The following EYS variants were observed in gnomAD, a reference collection of about 807,000 sequenced individuals.
EYS encodes EGF-like photoreceptor maintenance factor.
A neutral mutation model predicts 282.1 loss-of-function variants in EYS; 250 were observed. The ratio of observed to expected loss-of-function variants is 0.89; its 90% CI spans 0.80 to 0.98. EYS has a LOEUF of 0.98. EYS is among the 50% of genes least tolerant of loss of function. EYS has a pLI of 0.00. For missense variants in EYS, 4,016 were observed against 3,709.0 expected, an observed-to-expected ratio of 1.08 and a Z score of -2.15; for synonymous variants, 1,355 against 1,282.9, an observed-to-expected ratio of 1.06 and a Z score of -1.20.
At chr6:65,450,278 C>A (rs1195998532) in intron 5 of EYS, among the ~76,000 whole-genome samples, 1 of 152,044 alleles carries the variant, frequency 6.6e-6, no homozygotes, top group Non-Finnish European at 1.5e-5. Context: ...TCCATGCTTT[C>A]TACAGAAAAT....
At chr6:65,420,359 T>C (rs930984191) in intron 5 of EYS, among the ~76,000 whole-genome samples, 1 of 149,900 alleles carries the variant, frequency 6.7e-6, no homozygotes, top group Non-Finnish European at 1.5e-5. Flanking sequence ...CTTTCTTTGC[T>C]CATTCGTAAG....
intron 31 of EYS, 51 bp from the exon 32 acceptor site, chr6:64,082,053 C>G (rs1336421428): frequency 9.3e-5 from 114 of 1,231,060 alleles, no homozygotes; most frequent in Non-Finnish European, 1.2e-4. Flanking sequence ...TATTGCTACT[C>G]AAGTAGATAA....
chr6:63,966,818 A>T (rs1459114053), intron 35 of EYS, among the ~76,000 whole-genome samples: 1 of 152,116 alleles, frequency 6.6e-6, no homozygotes, highest in African/African-American at 2.4e-5. Context: ...GATGTTAGCT[A>T]TTTTTTTATT....
At position 65,131,064 on chromosome 6, in the gene EYS, T is replaced by C. The variant is rs75089816; in HGVS notation, c.2024-73337A>G. On this transcript the variant is annotated intron_variant, in intron 12 of 42. Coordinates refer to ENST00000503581, the MANE Select transcript of EYS (RefSeq NM_001142800.2). ...CTTTATAAAAAATATATATTTGGAG[T>C]ACAACATGTTTTGGCATATACATAC... Among the ~76,000 whole-genome samples, 54 of 151,742 alleles carry C rather than the reference T, an allele frequency of 3.6e-4. No homozygotes were observed. The East Asian group carries it at 8.5e-3, about 24-fold the overall frequency.
At position 64,591,127 on chromosome 6, in the gene EYS, G is replaced by A. The variant is rs1437138169; in HGVS notation, c.4740C>T (p.Ser1580=). 4 of 1,551,168 alleles carry A rather than the reference G, an allele frequency of 2.6e-6. No homozygotes were observed. The South Asian group carries it at 3.6e-5, about 14-fold the overall frequency. The change falls in exon 26 of 43, where the codon TCC becomes TCT. Residue 1580 remains serine (S), a synonymous_variant. Transcript: ENST00000503581. The part of the protein sequence containing the change: ...FSDQVLHSKQ[S]HFYETFWMNS... ...TCATCCAGAATGTCTCATAAAAGTG[G>A]GACTGTTTGCTATGCAAAACTTGAT...
At chr6:63,907,326 G>A (rs2149735363) in intron 35 of EYS, among the ~76,000 whole-genome samples, 1 of 152,240 alleles carries the variant, frequency 6.6e-6, no homozygotes, top group East Asian at 1.9e-4. Flanking sequence ...AAAGGCCATG[G>A]ATAAAGACAA....
Position 64,590,400 on chromosome 6 carries a change from A to G in EYS, c.5467T>C (p.Tyr1823His). 2 of 1,551,374 alleles carry G rather than the reference A, an allele frequency of 1.3e-6. No individual in the cohort carries two copies. The highest frequency in any genetic ancestry group is 1.2e-5 in the South Asian group (1 of 84,058). ...IRPDWPYFTD[Y>H]MTSLKKEVKT... is the part of the protein sequence containing the mutation. ...ACCTCTTTTTTAAGAGAGGTCATAT[A>G]ATCTGTAAAATATGGCCAATCTGGC... The change falls in exon 26 of 43, where the codon TAT (tyrosine) becomes CAT (histidine). Residue 1823 changes from tyrosine to histidine, a missense_variant. By Grantham distance (83) the Tyr-to-His change is moderately conservative (BLOSUM62 2). Coordinates refer to ENST00000503581, the MANE Select transcript of EYS (RefSeq NM_001142800.2).
intron 5 of EYS, among the ~76,000 whole-genome samples, chr6:65,426,530 T>C (rs1474966469): frequency 6.6e-6 from 1 of 152,192 alleles, no homozygotes; most frequent in Admixed American, 6.6e-5. Flanking sequence ...AGATTAATTT[T>C]CTGATCCTAT....
intron 12 of EYS, among the ~76,000 whole-genome samples, chr6:65,233,584 T>G (rs950241125): frequency 6.6e-6 from 1 of 152,176 alleles, no homozygotes; most frequent in Non-Finnish European, 1.5e-5. Context: ...GCTTGGAGGC[T>G]GCAATCATTA....
chr6:64,173,078 C>T (rs746986554), intron 31 of EYS, among the ~76,000 whole-genome samples: 16 of 152,096 alleles, frequency 1.1e-4, no homozygotes, highest in Middle Eastern at 3.2e-3. Flanking sequence ...GAACACTACA[C>T]GGATAAATTC....
intron 22 of EYS, among the ~76,000 whole-genome samples, chr6:64,649,096 A>T (rs1768459768): frequency 6.6e-6 from 1 of 152,164 alleles, no homozygotes; most frequent in Admixed American, 6.5e-5. Flanking sequence ...AGAATTGATG[A>T]GTCCAGATGA....
intron 29 of EYS, among the ~76,000 whole-genome samples, chr6:64,360,599 AATTATGAG>A (rs542959674): frequency 4.0e-5 from 6 of 151,740 alleles, no homozygotes; most frequent in Non-Finnish European, 8.8e-5. Context: ...TTGGAAATTC[AATTATGAG>A]ATAGTAGTTT....
intron 12 of EYS, among the ~76,000 whole-genome samples, chr6:65,129,672 T>C (rs1403420578): frequency 6.6e-6 from 1 of 151,790 alleles, no homozygotes; most frequent in Non-Finnish European, 1.5e-5. Context: ...ACAGGTTACC[T>C]CTGAGGCTGC....
chr6:64,773,497 T>C (rs1583141771), intron 22 of EYS, among the ~76,000 whole-genome samples: 1 of 152,028 alleles, frequency 6.6e-6, no homozygotes, highest in East Asian at 1.9e-4. Context: ...TGCTCAATAA[T>C]GGGATTGCTG....
chr6:63,972,188 G>C (rs1766607909), intron 35 of EYS, among the ~76,000 whole-genome samples: 1 of 152,128 alleles, frequency 6.6e-6, no homozygotes, highest in African/African-American at 2.4e-5. Context: ...TCTTTTTTTA[G>C]AGGATTGCTT....
At chr6:65,592,031 T>C (rs1765250302) in intron 2 of EYS, among the ~76,000 whole-genome samples, 1 of 151,940 alleles carries the variant, frequency 6.6e-6, no homozygotes, top group Non-Finnish European at 1.5e-5. Flanking sequence ...ATCAACTATT[T>C]TGAAAATGGT....
chr6:64,307,909 T>C (rs1769514534), intron 29 of EYS, among the ~76,000 whole-genome samples: 1 of 152,030 alleles, frequency 6.6e-6, no homozygotes, highest in South Asian at 2.1e-4. Flanking sequence ...ACCTTATTCA[T>C]CAAAAGTTAC....
chr6:63,919,658 C>T (rs1406750019), intron 35 of EYS, among the ~76,000 whole-genome samples: 2 of 152,182 alleles, frequency 1.3e-5, no homozygotes, highest in African/African-American at 2.4e-5. Context: ...GTCAGCACTC[C>T]GCATCCTGGG....
chr6:64,314,290 G>C (rs1769847888), intron 29 of EYS, among the ~76,000 whole-genome samples: 2 of 148,108 alleles, frequency 1.4e-5, no homozygotes, highest in Admixed American at 6.8e-5. Flanking sequence ...ACAAAGAAGG[G>C]CATTACATAA....
Sources: allele counts gnomAD v4.1 joint callset (sites outside exome capture counted in the v4.1 genomes callset), GRCh38; gene constraint gnomAD v4.1.1; transcripts MANE v1.5; gene names NCBI Gene and HGNC (gene_info 2026-07-23, HGNC 2026-07-21).